Variants in CACUL1 observed in about 807,000 individuals in gnomAD.
The protein encoded by CACUL1 is CDK2 associated cullin domain 1, also known as CDK2-associated and cullin domain-containing protein 1.
Under a neutral mutation model 45.2 loss-of-function variants are expected in CACUL1, and 13 were observed. The observed-to-expected ratio is 0.29, with a 90% CI of 0.19 to 0.46. The LOEUF is 0.46. Among genes scored for constraint, CACUL1 ranks in the 20% least tolerant of loss-of-function variants. CACUL1 has a pLI of 1.00. For synonymous variants in CACUL1, 197 were observed against 174.2 expected, an observed-to-expected ratio of 1.13 and a Z score of -1.03; for missense variants, 421 against 471.4, an observed-to-expected ratio of 0.89 and a Z score of 0.99.
At chr10:118,743,080 T>C (rs1178061772) in intron 1 of CACUL1, among the ~76,000 whole-genome samples, 1 of 152,104 alleles carries the variant, frequency 6.6e-6, no homozygotes, top group East Asian at 1.9e-4. Flanking sequence ...GTTGGAACTC[T>C]CACTGATTTA....
At position 118,752,575 on chromosome 10, in the gene CACUL1, A is replaced by C. The variant is rs139143779; in HGVS notation, c.367+1821T>G. 9.0e-3 allele frequency among the ~76,000 whole-genome samples: 1,371 copies of C among 152,334 alleles called. 9 individuals are homozygous for C. The highest frequency in any genetic ancestry group is 0.014 in the Middle Eastern group (4 of 294). On this transcript the variant is annotated intron_variant, in intron 1 of 8. Coordinates refer to ENST00000369151, the MANE Select transcript of CACUL1 (RefSeq NM_153810.5). ...AGTATTTTCATTTCTATGCTAAGTA[A>C]AACAGACCTATAATTTTCTCTTCTT...
chr10:118,747,819 T>C (rs1845859227), intron 1 of CACUL1, among the ~76,000 whole-genome samples: 2 of 152,038 alleles, frequency 1.3e-5, no homozygotes, highest in Admixed American at 6.6e-5. Context: ...GCATGGTAGT[T>C]TACAACTGTA....
In CACUL1 at chr10:118,676,665, A is replaced by G. The variant is rs1458935060; in HGVS notation, c.*9463T>C. 1 of 152,130 alleles carries G rather than the reference A, an allele frequency of 6.6e-6. No homozygotes were observed. The highest frequency in any genetic ancestry group is 2.4e-5 in the African/African-American group (1 of 41,388). The allele number at this position is 152,130 out of a possible 1,614,324, so 9.4% of individuals were successfully genotyped here. ...TCAAAAATGACAAGCATTTTTAATC[A>G]TGACTCTCTCTAAAAGAACATTTTT... On this transcript the variant is annotated 3_prime_UTR_variant, in exon 9 of 9. Transcript: ENST00000369151.
intron 5 of CACUL1, 32 bp from the exon 6 acceptor site, chr10:118,695,262 A>T (rs1845311360): frequency 8.5e-7 from 1 of 1,177,488 alleles, no homozygotes; most frequent in Non-Finnish European, 1.3e-6. Flanking sequence ...AAAAGAATGT[A>T]ACACATATTG....
intron 3 of CACUL1, among the ~76,000 whole-genome samples, chr10:118,725,844 A>G (rs1349502095): frequency 6.6e-6 from 1 of 152,262 alleles, no homozygotes; most frequent in Non-Finnish European, 1.5e-5. Context: ...GTCAACACCA[A>G]AAATAACTGG....
intron 1 of CACUL1, among the ~76,000 whole-genome samples, chr10:118,738,545 C>A (rs1255643847): frequency 7.4e-6 from 1 of 135,358 alleles, no homozygotes. Flanking sequence ...ACTAAACAGT[C>A]CCAGAGAAAA....
Position 118,681,273 on chromosome 10 carries a change from C to A in CACUL1, c.*4855G>T, listed in dbSNP as rs1266008129. On this transcript the variant is annotated 3_prime_UTR_variant, in exon 9 of 9. Coordinates refer to ENST00000369151, the MANE Select transcript of CACUL1 (RefSeq NM_153810.5). ...TTGCTCTGGCTGTGCTAGTGAGTGG[C>A]AAAAGCCTCTTGCTCGTGCTTGCCC... 2.0e-5 allele frequency: 3 copies of A among 152,214 alleles called. No homozygotes were observed. Among genetic ancestry groups the A allele is most frequent in the Non-Finnish European group, 4.4e-5 (3 of 68,042 alleles). 9.4% of individuals were successfully genotyped at this position (152,214 alleles called of 1,614,324 possible). A position where few individuals can be genotyped will look rare whatever the true frequency, so the allele number is the denominator to read the frequency against.
chr10:118,744,796 T>C (rs989441187), intron 1 of CACUL1, among the ~76,000 whole-genome samples: 1 of 151,926 alleles, frequency 6.6e-6, no homozygotes, highest in Non-Finnish European at 1.5e-5. Flanking sequence ...GCTGGGATTA[T>C]AGGCGCACAC....
At chr10:118,711,993 A>G (rs1845490163) in intron 3 of CACUL1, among the ~76,000 whole-genome samples, 1 of 152,226 alleles carries the variant, frequency 6.6e-6, no homozygotes, top group Admixed American at 6.5e-5. Context: ...ACTGTTAACT[A>G]TTTGATTTAC....
rs1216301989 is a variant in CACUL1, at chr10:118,679,450, A to C, written c.*6678T>G. 6.6e-6 allele frequency: 1 copy of C among 152,022 alleles called. No individual in the cohort carries two copies. Among genetic ancestry groups the C allele is most frequent in the African/African-American group, 2.4e-5 (1 of 41,352 alleles). The allele number at this position is 152,022 out of a possible 1,614,324, so 9.4% of individuals were successfully genotyped here. A position where few individuals can be genotyped will look rare whatever the true frequency, so the allele number is the denominator to read the frequency against. On this transcript the variant is annotated 3_prime_UTR_variant, in exon 9 of 9. Transcript: ENST00000369151. Reference sequence around the variant, plus strand: ...AGGCTGGTCTCGAGCTCCTGGCCTCAAGTGATCCACCTGCCTCAGCCTCCC... The same window carrying C: ...AGGCTGGTCTCGAGCTCCTGGCCTCCAGTGATCCACCTGCCTCAGCCTCCC...
intron 5 of CACUL1, among the ~76,000 whole-genome samples, chr10:118,700,623 A>AGGAGAAT (rs1359380606): frequency 6.6e-6 from 1 of 151,558 alleles, no homozygotes; most frequent in East Asian, 2.0e-4. Flanking sequence ...AGGCTGAGGC[A>AGGAGAAT]GGAGAATGGC....
At chr10:118,696,394 A>G (rs113904709) in intron 5 of CACUL1, among the ~76,000 whole-genome samples, 3,549 of 152,224 alleles carry the variant, frequency 0.023, 141 homozygotes, top group African/African-American at 0.082. Context: ...TGTAATCCCA[A>G]CACTTTGGGA....
At chr10:118,742,223 A>G (rs1268599801) in intron 1 of CACUL1, among the ~76,000 whole-genome samples, 2 of 152,208 alleles carry the variant, frequency 1.3e-5, no homozygotes, top group Admixed American at 6.5e-5. Context: ...CATCTATCCA[A>G]CTTTATCTTT....
At chr10:118,749,200 A>G (rs1031561271) in intron 1 of CACUL1, among the ~76,000 whole-genome samples, 2 of 150,204 alleles carry the variant, frequency 1.3e-5, no homozygotes, top group African/African-American at 5.0e-5. Context: ...ACTGCCATTA[A>G]AAGAGGTTCC....
intron 3 of CACUL1, among the ~76,000 whole-genome samples, chr10:118,720,857 G>A (rs1845593263): frequency 6.6e-6 from 1 of 152,176 alleles, no homozygotes; most frequent in Non-Finnish European, 1.5e-5. Context: ...GGGTTAGGGT[G>A]TCTCCCTGGC....
chr10:118,733,873 C>T (rs544905558), intron 1 of CACUL1, among the ~76,000 whole-genome samples: 2 of 151,944 alleles, frequency 1.3e-5, no homozygotes, highest in South Asian at 2.1e-4. Flanking sequence ...AAAAATTAGC[C>T]GAGCGTGGTG....
intron 5 of CACUL1, among the ~76,000 whole-genome samples, chr10:118,700,467 C>A (rs1227956568): frequency 1.6e-4 from 25 of 151,966 alleles, no homozygotes; most frequent in Non-Finnish European, 1.5e-5. Context: ...CCTGTAATCC[C>A]AGCACTTTGG....
At position 118,691,351 on chromosome 10, in the gene CACUL1, G is replaced by C. The variant is rs114485708; in HGVS notation, c.939C>G (p.Leu313=). Residue 313 remains leucine, a synonymous_variant, in exon 7 of 9, where the codon CTC becomes CTG. Coordinates refer to ENST00000369151, the MANE Select transcript of CACUL1 (RefSeq NM_153810.5). ...TLFSKFIPNI[L]PPAVESELSE... is the part of the protein sequence containing the mutation. ...AAAGTTCAGATTCCACCGCCGGAGG[G>C]AGAATGTTTGGAATAAATTTAGAAA... 6.2e-7 allele frequency: 1 copy of C among 1,612,466 alleles called. No individual in the cohort carries two copies. The highest frequency in any genetic ancestry group is 8.5e-7 in the Non-Finnish European group (1 of 1,178,528).
intron 3 of CACUL1, among the ~76,000 whole-genome samples, chr10:118,709,966 C>T (rs1564832243): frequency 2.0e-5 from 3 of 151,874 alleles, no homozygotes; most frequent in Non-Finnish European, 4.4e-5. Context: ...AGTGCAGTAC[C>T]ATGATTACAG....
Sources: allele counts gnomAD v4.1 joint callset (sites outside exome capture counted in the v4.1 genomes callset), GRCh38; gene constraint gnomAD v4.1.1; transcripts MANE v1.5; gene names NCBI Gene and HGNC (gene_info 2026-07-23, HGNC 2026-07-21).